The following C1orf146 variants were observed in gnomAD, a reference collection of about 807,000 sequenced individuals.
C1orf146 encodes the protein chromosome 1 open reading frame 146, also known as protein SPO16 homolog.
C1orf146 carries 22 observed loss-of-function variants against 23.0 expected under a neutral mutation model. The observed-to-expected ratio is 0.96, with a 90% CI of 0.68 to 1.36. C1orf146 has a LOEUF of 1.36. C1orf146 is among the 40% of genes most tolerant of loss of function. The probability of loss-of-function intolerance (pLI) is 0.00; values close to 1 mark genes in which losing one functional copy is unlikely to be tolerated. For missense variants in C1orf146, 199 were observed against 206.8 expected, an observed-to-expected ratio of 0.96 and a Z score of 0.23; for synonymous variants, 59 against 65.3, an observed-to-expected ratio of 0.90 and a Z score of 0.47.
At chr1:92,226,399 G>GCACACACA (rs368243079) in intron 1 of C1orf146, among the ~76,000 whole-genome samples, 1 of 146,220 alleles carries the variant, frequency 6.8e-6, no homozygotes, top group African/African-American at 2.4e-5. Context: ...ATGCACGCAT[G>GCACACACA]CACACACACA....
At chr1:92,238,449 G>A (rs74102873) in intron 2 of C1orf146, among the ~76,000 whole-genome samples, 3,627 of 152,148 alleles carry the variant, frequency 0.024, 100 homozygotes, top group African/African-American at 0.067. Context: ...CAGCATTTCC[G>A]AATCTTATTT....
intron 2 of C1orf146, among the ~76,000 whole-genome samples, chr1:92,236,755 G>A (rs1335988088): frequency 2.0e-5 from 3 of 152,184 alleles, no homozygotes; most frequent in Admixed American, 6.5e-5. Flanking sequence ...CCAATCAGAC[G>A]TAGATTTGGT....
chr1:92,242,210 A>T lies in C1orf146; in HGVS notation c.67-2A>T. The T allele has an allele frequency of 6.5e-7, 1 of 1,544,974 alleles. No homozygotes were observed. Among genetic ancestry groups the T allele is most frequent in the African/African-American group, 1.4e-5 (1 of 72,896 alleles). On this transcript the variant is annotated splice_acceptor_variant, in intron 2 of 5. Transcript: ENST00000370375. LOFTEE classifies it high-confidence loss of function. ...TTGTATTTCTGATATTTTTTAAAAA[A>T]GAGTTATGAAGTTGCAACTGCCCTA...
rs1466575924 is a variant in C1orf146 at position 92,224,487 on chromosome 1, TAC to T, written c.-40+6441_-40+6442del. On this transcript the variant is annotated intron_variant, in intron 1 of 5. Coordinates refer to ENST00000370375, the MANE Select transcript of C1orf146 (RefSeq NM_001012425.2). Reference sequence around the variant, plus strand: ...ATGTCCTATTTTCCTCTAGGAGACTTACAGTTTTATGTTTTACATGTAGGCCT... The same window carrying T: ...ATGTCCTATTTTCCTCTAGGAGACTTAGTTTTATGTTTTACATGTAGGCCT... Among the ~76,000 whole-genome samples, 11 of 152,352 alleles carry T rather than the reference TAC, an allele frequency of 7.2e-5. No individual in the cohort carries two copies. In the East Asian group the frequency reaches 1.9e-3, roughly 27 times the overall value.
At chr1:92,223,797 G>A (rs971578386) in intron 1 of C1orf146, among the ~76,000 whole-genome samples, 1 of 152,062 alleles carries the variant, frequency 6.6e-6, no homozygotes, top group Admixed American at 6.6e-5. Flanking sequence ...GCCTCCCAAA[G>A]TGCTGGGATT....
chr1:92,230,313 TAAA>T (rs142760966), intron 1 of C1orf146, among the ~76,000 whole-genome samples: 1 of 142,406 alleles, frequency 7.0e-6, no homozygotes, highest in Non-Finnish European at 1.5e-5. Context: ...CACAATAAGT[TAAA>T]AAAAAAAAAA....
chr1:92,235,847 C>T (rs1458011202), intron 2 of C1orf146, among the ~76,000 whole-genome samples: 3 of 152,066 alleles, frequency 2.0e-5, no homozygotes, highest in Non-Finnish European at 4.4e-5. Flanking sequence ...TTGAATTGAT[C>T]CCTTTACCAT....
In C1orf146 at chr1:92,231,306, C is replaced by T. The variant is rs1652114365; in HGVS notation, c.-39-76C>T. The T allele has an allele frequency of 7.5e-6, 5 of 667,168 alleles. No homozygotes were observed. The East Asian group carries it at 1.4e-4, about 18-fold the overall frequency. The allele number at this position is 667,168 out of a possible 1,614,324, so 41.3% of individuals were successfully genotyped here. A position where few individuals can be genotyped will look rare whatever the true frequency, so the allele number is the denominator to read the frequency against. On this transcript the variant is annotated intron_variant, in intron 1 of 5. Coordinates refer to ENST00000370375, the MANE Select transcript of C1orf146 (RefSeq NM_001012425.2). ...TATTCTTTAAAATGTCTCCAATACC[C>T]TAGTTTTATTTCCATCTTTAATTTA... is the stretch of plus-strand genomic sequence containing the variant.
intron 1 of C1orf146, among the ~76,000 whole-genome samples, chr1:92,229,587 AGT>A (rs1248271307): frequency 6.6e-6 from 1 of 152,234 alleles, no homozygotes; most frequent in East Asian, 1.9e-4. Flanking sequence ...TTCCAACTCC[AGT>A]GTGCAGCAAG....
At position 92,242,306 on chromosome 1, in the gene C1orf146, G is replaced by T. The variant is rs1439240412; in HGVS notation, c.160+1G>T. 1.9e-6 allele frequency: 3 copies of T among 1,543,566 alleles called. No homozygotes were observed. Among genetic ancestry groups the T allele is most frequent in the Non-Finnish European group, 2.7e-6 (3 of 1,125,590 alleles). On this transcript the variant is annotated splice_donor_variant, in intron 3 of 5. Coordinates refer to ENST00000370375, the MANE Select transcript of C1orf146 (RefSeq NM_001012425.2). LOFTEE classifies it high-confidence loss of function. ...GGATCAATTATATTTTCTCTTTCTG[G>T]TATGGTATATTTGCTCACTGCCTTA...
intron 1 of C1orf146, among the ~76,000 whole-genome samples, chr1:92,223,975 G>A (rs551425029): frequency 2.5e-4 from 38 of 151,474 alleles, no homozygotes; most frequent in Non-Finnish European, 4.4e-4. Flanking sequence ...ATAAATGTAG[G>A]TGTTACTGGT....
chr1:92,234,021 G>A (rs1261415517), intron 2 of C1orf146, among the ~76,000 whole-genome samples: 1 of 152,156 alleles, frequency 6.6e-6, no homozygotes. Context: ...CTGAGACGAT[G>A]GGGTTTTCTA....
At chr1:92,229,991 A>G (rs1430314679) in intron 1 of C1orf146, among the ~76,000 whole-genome samples, 1 of 152,168 alleles carries the variant, frequency 6.6e-6, no homozygotes, top group Non-Finnish European at 1.5e-5. Context: ...TCATACGTAT[A>G]CTATAAACTT....
chr1:92,241,970 CTAAG>C (rs1013105003), intron 2 of C1orf146, among the ~76,000 whole-genome samples: 2 of 152,122 alleles, frequency 1.3e-5, no homozygotes, highest in African/African-American at 4.8e-5. Flanking sequence ...AGTTCTGTTC[CTAAG>C]TAACATAACT....
chr1:92,245,715 T>G lies in C1orf146; in HGVS notation c.*41T>G. 7.7e-7 allele frequency: 1 copy of G among 1,292,986 alleles called. No individual in the cohort carries two copies. The highest frequency in any genetic ancestry group is 1.1e-6 in the Non-Finnish European group (1 of 938,170). 80.1% of individuals were successfully genotyped at this position (1,292,986 alleles called of 1,614,324 possible). A position where few individuals can be genotyped will look rare whatever the true frequency, so the allele number is the denominator to read the frequency against. ...TTTTTCTCGAAGAATGTGAAAATAA[T>G]TAGACCTGTTAAATTATAATATTCA... On this transcript the variant is annotated 3_prime_UTR_variant, in exon 6 of 6. Transcript: ENST00000370375.
intron 2 of C1orf146, among the ~76,000 whole-genome samples, chr1:92,234,336 G>A (rs1248256450): frequency 6.6e-6 from 1 of 152,106 alleles, no homozygotes; most frequent in Non-Finnish European, 1.5e-5. Flanking sequence ...GTTGAATTTT[G>A]TCAAAGACCT....
chr1:92,239,478 C>CA (rs1322296484), intron 2 of C1orf146, among the ~76,000 whole-genome samples: 1 of 152,128 alleles, frequency 6.6e-6, no homozygotes, highest in Non-Finnish European at 1.5e-5. Context: ...CAGCTAGGTG[C>CA]AGTGGCTCAT....
At chr1:92,237,774 T>C (rs1395409598) in intron 2 of C1orf146, among the ~76,000 whole-genome samples, 3 of 152,224 alleles carry the variant, frequency 2.0e-5, no homozygotes, top group African/African-American at 7.2e-5. Flanking sequence ...ATAGAGGCTT[T>C]TAAATGTGTT....
At chr1:92,228,900 A>T (rs547724152) in intron 1 of C1orf146, 90 of 411,264 alleles carry the variant, frequency 2.2e-4, no homozygotes, top group African/African-American at 1.8e-3. Context: ...TTCTTTTCGA[A>T]GGCTTATTCC....
Sources: allele counts gnomAD v4.1 joint callset (sites outside exome capture counted in the v4.1 genomes callset), GRCh38; gene constraint gnomAD v4.1.1; transcripts MANE v1.5; gene names NCBI Gene and HGNC (gene_info 2026-07-23, HGNC 2026-07-21).